Variants in ST8SIA5 observed in about 807,000 individuals in gnomAD.
ST8SIA5 encodes the protein alpha-2,8-sialyltransferase 8E.
A neutral mutation model predicts 40.2 loss-of-function variants in ST8SIA5; 24 were observed. The observed-to-expected ratio is 0.60, with a 90% CI of 0.43 to 0.84. ST8SIA5 has a LOEUF of 0.84. ST8SIA5 is among the 40% of genes least tolerant of loss of function. ST8SIA5 has a pLI of 0.00. For missense variants in ST8SIA5, 465 were observed against 498.5 expected, an observed-to-expected ratio of 0.93 and a Z score of 0.64; for synonymous variants, 198 against 201.8, an observed-to-expected ratio of 0.98 and a Z score of 0.16.
intron 1 of ST8SIA5, among the ~76,000 whole-genome samples, chr18:46,725,437 T>G (rs527498745): frequency 6.6e-6 from 1 of 152,236 alleles, no homozygotes; most frequent in Middle Eastern, 3.4e-3. Context: ...TGAGACCCCA[T>G]GTCCCTTCAC....
rs142663641 is a variant in ST8SIA5 at position 46,746,282 on chromosome 18, G to A, written c.131+10096C>T. Reference sequence around the variant, plus strand: ...GGAAAAGAGGAAATCAAATTGTCCCGGTTTGCAGATGACATGATCGTATAT... The same window carrying A: ...GGAAAAGAGGAAATCAAATTGTCCCAGTTTGCAGATGACATGATCGTATAT... On this transcript the variant is annotated intron_variant, in intron 1 of 6. Transcript: ENST00000315087. 2.4e-3 allele frequency among the ~76,000 whole-genome samples: 364 copies of A among 152,158 alleles called. 2 individuals are homozygous for A. The highest frequency in any genetic ancestry group is 8.3e-3 in the African/African-American group (344 of 41,508).
Position 46,669,084 on chromosome 18 carries a change from G to A in ST8SIA5, c.*10958C>T, listed in dbSNP as rs532887920. On this transcript the variant is annotated 3_prime_UTR_variant, in exon 7 of 7. Coordinates refer to ENST00000315087, the MANE Select transcript of ST8SIA5 (RefSeq NM_013305.6). ...CTAGGTTCAGCCACCCAAGGCTGCT[G>A]GTTCGGGTGCCCTGAGCTTGGCCCC... 6.5e-6 allele frequency: 1 copy of A among 152,702 alleles called. No individual in the cohort carries two copies. The highest frequency in any genetic ancestry group is 1.9e-4 in the East Asian group (1 of 5,188). 9.5% of individuals were successfully genotyped at this position (152,702 alleles called of 1,614,324 possible).
chr18:46,710,363 T>TCTTC (rs2039711719), intron 1 of ST8SIA5, among the ~76,000 whole-genome samples: 1 of 114,390 alleles, frequency 8.7e-6, no homozygotes, highest in Non-Finnish European at 1.8e-5. Context: ...TCCTTCTTTC[T>TCTTC]TTTCTTTCTT....
rs2039312444 is a variant in ST8SIA5, at chr18:46,672,126, A to C, written c.*7916T>G. The C allele has an allele frequency of 6.6e-6, 1 of 152,242 alleles. No homozygotes were observed. The highest frequency in any genetic ancestry group is 2.1e-4 in the South Asian group (1 of 4,836). The allele number at this position is 152,242 out of a possible 1,614,324, so 9.4% of individuals were successfully genotyped here. A position where few individuals can be genotyped will look rare whatever the true frequency, so the allele number is the denominator to read the frequency against. On this transcript the variant is annotated 3_prime_UTR_variant, in exon 7 of 7. Transcript: ENST00000315087. ...TTAGAAACATCTGGAGAATTTGTGA[A>C]ATCCTAATATTCAGGTCACATCTCA...
intron 1 of ST8SIA5, among the ~76,000 whole-genome samples, chr18:46,729,135 A>G (rs1264280086): frequency 6.6e-6 from 1 of 151,934 alleles, no homozygotes; most frequent in African/African-American, 2.4e-5. Flanking sequence ...GCCCTTCTTG[A>G]CCACTCTGGC....
chr18:46,683,108 A>T (rs1398587606), intron 5 of ST8SIA5, among the ~76,000 whole-genome samples: 1 of 152,180 alleles, frequency 6.6e-6, no homozygotes, highest in Non-Finnish European at 1.5e-5. Context: ...TCAGGGGTAC[A>T]TCTACATATG....
chr18:46,732,669 A>C (rs2039996024), intron 1 of ST8SIA5, among the ~76,000 whole-genome samples: 1 of 152,228 alleles, frequency 6.6e-6, no homozygotes, highest in African/African-American at 2.4e-5. Flanking sequence ...AAAATCATTC[A>C]CAAACGTTGC....
Position 46,670,068 on chromosome 18 carries a change from CAA to C in ST8SIA5, c.*9972_*9973del, listed in dbSNP as rs372441557. The C allele has an allele frequency of 6.7e-5, 9 of 134,474 alleles. No homozygotes were observed. Among genetic ancestry groups the C allele is most frequent in the Admixed American group, 1.5e-4 (2 of 13,312 alleles). The allele number at this position is 134,474 out of a possible 1,614,324, so 8.3% of individuals were successfully genotyped here. On this transcript the variant is annotated 3_prime_UTR_variant, in exon 7 of 7. Transcript: ENST00000315087. ...TGGGTGACAGAGTGAGACTCCATCT[CAA>C]AAAAAAAAAAAGAGTGAGTTTACCC...
intron 4 of ST8SIA5, among the ~76,000 whole-genome samples, chr18:46,686,846 G>T (rs933521444): frequency 6.8e-6 from 1 of 146,434 alleles, no homozygotes; most frequent in Non-Finnish European, 1.5e-5. Context: ...GTCATTTTCA[G>T]AAAAATCATC....
At chr18:46,725,908 G>T (rs1190722953) in intron 1 of ST8SIA5, among the ~76,000 whole-genome samples, 1 of 140,440 alleles carries the variant, frequency 7.1e-6, no homozygotes, top group African/African-American at 2.7e-5. Flanking sequence ...ATCACTTGAG[G>T]TCAGGAGTTT....
Position 46,685,049 on chromosome 18 carries a change from T to C in ST8SIA5, c.569+1125A>G, listed in dbSNP as rs150026926. On this transcript the variant is annotated intron_variant, in intron 5 of 6. Transcript: ENST00000315087. The stretch of plus-strand genomic sequence containing the variant: ...ATGGTGTGTCCAGTGCTGGAGGTAC[T>C]AAGAGCTATACAATCATTATGTGAT... Among the ~76,000 whole-genome samples the C allele has an allele frequency of 3.8e-3, 583 of 152,264 alleles. 2 individuals are homozygous for C. The highest frequency in any genetic ancestry group is 7.0e-3 in the Non-Finnish European group (479 of 68,006).
Position 46,679,084 on chromosome 18 carries a change from A to AACCAT in ST8SIA5, c.*957_*958insATGGT, listed in dbSNP as rs1434153140. 9.9e-5 allele frequency: 15 copies of AACCAT among 152,278 alleles called. No individual in the cohort carries two copies. The highest frequency in any genetic ancestry group is 3.6e-4 in the African/African-American group (15 of 41,468). The allele number at this position is 152,278 out of a possible 1,614,324, so 9.4% of individuals were successfully genotyped here. On this transcript the variant is annotated 3_prime_UTR_variant, in exon 7 of 7. Transcript: ENST00000315087. ...CCAGAGCCTATGGTTCCGACTGAGG[A>AACCAT]ACACGATACAGCAGGATTCTGCAGG...
chr18:46,742,943 C>G (rs2040101733), intron 1 of ST8SIA5, among the ~76,000 whole-genome samples: 1 of 152,216 alleles, frequency 6.6e-6, no homozygotes, highest in Non-Finnish European at 1.5e-5. Context: ...TGGAGTGGAC[C>G]TCCAGGAAAC....
rs796506930 is a variant in ST8SIA5 at position 46,668,991 on chromosome 18, C to T, written c.*11051G>A. 1 of 152,408 alleles carries T rather than the reference C, an allele frequency of 6.6e-6. No individual in the cohort carries two copies. The highest frequency in any genetic ancestry group is 1.5e-5 in the Non-Finnish European group (1 of 68,160). 9.4% of individuals were successfully genotyped at this position (152,408 alleles called of 1,614,324 possible). On this transcript the variant is annotated 3_prime_UTR_variant, in exon 7 of 7. Transcript: ENST00000315087. ...GTCCCTGACCCCAGCTTGCCCCGCT[C>T]TCCTGCTTTGCTCAGGCCTGTGGCC... is the stretch of plus-strand genomic sequence containing the variant.
In ST8SIA5 at chr18:46,686,271, G is replaced by A. The variant is rs781238196; in HGVS notation, c.472C>T (p.Arg158Trp). ...RMFPKDMPYY[R>W]SQFKKCAVVG... Reference sequence around the variant, plus strand: ...ACAGCACACTTCTTAAACTGGGACCGGTAGTAGGGCATGTCCTGGGGGAGG... The same window carrying A: ...ACAGCACACTTCTTAAACTGGGACCAGTAGTAGGGCATGTCCTGGGGGAGG... Residue 158 changes from arginine to tryptophan, a missense_variant, in exon 5 of 7, where the codon CGG (arginine) becomes TGG (tryptophan). Transcript: ENST00000315087. 1.4e-5 allele frequency: 22 copies of A among 1,613,970 alleles called. No individual in the cohort carries two copies. The highest frequency in any genetic ancestry group is 8.3e-5 in the Admixed American group (5 of 60,000).
intron 1 of ST8SIA5, among the ~76,000 whole-genome samples, chr18:46,746,416 A>G (rs1314486869): frequency 6.6e-6 from 1 of 152,230 alleles, no homozygotes; most frequent in Non-Finnish European, 1.5e-5. Context: ...ATTCCTATAC[A>G]CAAATAACAG....
At position 46,718,876 on chromosome 18, in the gene ST8SIA5, G is replaced by A. The variant is rs146577598; in HGVS notation, c.132-14212C>T. On this transcript the variant is annotated intron_variant, in intron 1 of 6. Transcript: ENST00000315087. ...GTTGTCAATTGGGACAATGTACGTC[G>A]TGTCCTCGTTAGGTCCTCCCCCAAG... 4.1e-4 allele frequency among the ~76,000 whole-genome samples: 63 copies of A among 152,156 alleles called. 1 individual carries two copies. The Middle Eastern group carries it at 0.017, about 41-fold the overall frequency.
chr18:46,726,603 C>T (rs1311257117), intron 1 of ST8SIA5, among the ~76,000 whole-genome samples: 1 of 138,410 alleles, frequency 7.2e-6, no homozygotes, highest in African/African-American at 2.6e-5. Flanking sequence ...GTCTATAATT[C>T]CATAATAAAA....
At chr18:46,738,573 A>C (rs954400001) in intron 1 of ST8SIA5, among the ~76,000 whole-genome samples, 1 of 152,174 alleles carries the variant, frequency 6.6e-6, no homozygotes, top group Non-Finnish European at 1.5e-5. Context: ...GCAAGTGCTC[A>C]GGAGAAACTT....
Sources: gnomAD v4.1 joint callset for allele counts (sites outside exome capture counted in the v4.1 genomes callset) on GRCh38, gnomAD v4.1.1 for gene constraint, MANE v1.5 for transcripts, NCBI Gene and HGNC (gene_info 2026-07-23, HGNC 2026-07-21) for gene names.